The following RBMS3 variants were observed in gnomAD, a reference collection of about 807,000 sequenced individuals.
RBMS3 encodes the protein RNA binding motif single stranded interacting protein 3.
In RBMS3, 27 loss-of-function variants were observed where a neutral mutation model predicts 66.8. That is an observed-to-expected ratio of 0.40 (90% confidence interval 0.30 to 0.56). The LOEUF (loss-of-function observed/expected upper bound fraction) is 0.56, where lower values mean the gene tolerates loss of function less well. Ranked by LOEUF, RBMS3 falls within the 20% of genes least tolerant of loss-of-function variation. The probability of loss-of-function intolerance (pLI) is 0.40; values close to 1 mark genes in which losing one functional copy is unlikely to be tolerated. For missense variants in RBMS3, 513 were observed against 549.5 expected (o/e 0.93, Z 0.66); for synonymous variants, 188 against 183.0 (o/e 1.03, Z -0.22).
At chr3:29,450,437 T>C (rs1178159158) in intron 2 of RBMS3, among the ~76,000 whole-genome samples, 1 of 152,180 alleles carries the variant, frequency 6.6e-6, no homozygotes, top group Non-Finnish European at 1.5e-5. Flanking sequence ...TTAAGATCCC[T>C]CCTTTATGCT....
intron 6 of RBMS3, among the ~76,000 whole-genome samples, chr3:29,817,309 T>G (rs2057940589): frequency 6.6e-6 from 1 of 151,408 alleles, no homozygotes; most frequent in Admixed American, 6.6e-5. Context: ...GTTCAAGCGA[T>G]TCTCCTGTCT....
At chr3:29,308,645 A>C (rs1451429359) in intron 1 of RBMS3, among the ~76,000 whole-genome samples, 2 of 151,568 alleles carry the variant, frequency 1.3e-5, no homozygotes, top group Non-Finnish European at 3.0e-5. Flanking sequence ...TAAATAATTT[A>C]TAGAATTACA....
intron 1 of RBMS3, among the ~76,000 whole-genome samples, chr3:29,380,520 T>C (rs1052356269): frequency 6.6e-6 from 1 of 152,226 alleles, no homozygotes; most frequent in African/African-American, 2.4e-5. Context: ...TTGCATGTTT[T>C]AACTAATTTT....
chr3:29,598,443 A>G (rs900757225), intron 4 of RBMS3, among the ~76,000 whole-genome samples: 1 of 152,152 alleles, frequency 6.6e-6, no homozygotes. Context: ...CAAGGATTTT[A>G]TAATTACTGA....
chr3:29,283,352 T>C (rs948787383), intron 1 of RBMS3, among the ~76,000 whole-genome samples: 1 of 152,162 alleles, frequency 6.6e-6, no homozygotes, highest in East Asian at 1.9e-4. Flanking sequence ...AATAACATAA[T>C]TGTTTTTCTG....
intron 1 of RBMS3, among the ~76,000 whole-genome samples, chr3:29,346,251 A>G (rs1013035825): frequency 6.6e-6 from 1 of 152,192 alleles, no homozygotes; most frequent in Non-Finnish European, 1.5e-5. Context: ...GTAGGGCCTC[A>G]ATATTTTGTG....
At chr3:29,696,930 GT>G (rs1212915963) in intron 4 of RBMS3, 20 of 983,060 alleles carry the variant, frequency 2.0e-5, no homozygotes, top group Non-Finnish European at 2.4e-5. Context: ...GTCTCCCCTG[GT>G]CGTTTGGGTT....
intron 4 of RBMS3, among the ~76,000 whole-genome samples, chr3:29,714,062 CAAAAG>C (rs1430156586): frequency 4.7e-5 from 7 of 149,856 alleles, no homozygotes; most frequent in African/African-American, 1.2e-4. Flanking sequence ...CTCAAAAAAA[CAAAAG>C]AAAAGAAAAG....
chr3:29,946,728 T>G (rs997388853), intron 12 of RBMS3, among the ~76,000 whole-genome samples: 3 of 151,554 alleles, frequency 2.0e-5, no homozygotes, highest in African/African-American at 7.3e-5. Flanking sequence ...AGAAGGCACA[T>G]AGTAAGGATT....
chr3:29,750,683 CT>C (rs2055135947), intron 5 of RBMS3, among the ~76,000 whole-genome samples: 1 of 152,036 alleles, frequency 6.6e-6, no homozygotes, highest in South Asian at 2.1e-4. Flanking sequence ...AGTTATTTTT[CT>C]GATCCTCTCC....
Position 29,434,879 on chromosome 3 carries a change from G to A in RBMS3, c.212G>A (p.Gly71Asp). Residue 71 changes from glycine to aspartate, a missense_variant, in exon 2 of 15, where the codon GGC becomes GAC. Physicochemically the swap from Gly to Asp is moderately conservative, Grantham distance 94 (BLOSUM62 -1). Coordinates refer to ENST00000383767, the MANE Select transcript of RBMS3 (RefSeq NM_001003793.3). Reference protein sequence around the residue: ...TNLYIRGLPPGTTDQDLIKLC... With the variant: ...TNLYIRGLPPDTTDQDLIKLC... Reference sequence around the variant, plus strand: ...CTGTACATTCGAGGCCTCCCACCAGGCACCACTGACCAGGACCTAATCAAG... The same window carrying A: ...CTGTACATTCGAGGCCTCCCACCAGACACCACTGACCAGGACCTAATCAAG... The A allele has an allele frequency of 2.5e-6, 4 of 1,614,016 alleles. No homozygotes were observed. Among genetic ancestry groups the A allele is most frequent in the Admixed American group, 3.3e-5 (2 of 60,008 alleles).
At position 29,571,927 on chromosome 3, in the gene RBMS3, AT is replaced by A. The variant is rs200634360; in HGVS notation, c.308-15179del. On this transcript the variant is annotated intron_variant, in intron 3 of 14. Coordinates refer to ENST00000383767, the MANE Select transcript of RBMS3 (RefSeq NM_001003793.3). Reference sequence around the variant, plus strand: ...AATCCACAAACATGGAATATTTTTAATTTTTTTTGTGTCCTCTTCAATTTCT... The same window carrying A: ...AATCCACAAACATGGAATATTTTTAATTTTTTTGTGTCCTCTTCAATTTCT... 5.2e-3 allele frequency among the ~76,000 whole-genome samples: 785 copies of A among 151,854 alleles called. 35 individuals carry two copies. The East Asian group carries it at 0.12, about 23-fold the overall frequency.
chr3:29,381,060 C>A (rs1175426829), intron 1 of RBMS3, among the ~76,000 whole-genome samples: 1 of 152,096 alleles, frequency 6.6e-6, no homozygotes, highest in Non-Finnish European at 1.5e-5. Flanking sequence ...GCAAAAAGTG[C>A]CATTTGTAAT....
Position 29,356,172 on chromosome 3 carries a change from G to A in RBMS3, c.75+74416G>A, listed in dbSNP as rs1213285224. 5.9e-5 allele frequency among the ~76,000 whole-genome samples: 9 copies of A among 152,140 alleles called. No individual in the cohort carries two copies. In the South Asian group the frequency reaches 1.0e-3, roughly 17 times the overall value. ...AGTGCAAGTTGAATTCACAGGTAAGGTTTACTGTAGACGTGGAAGGGTGTT... is the reference window on the plus strand; with the variant it reads ...AGTGCAAGTTGAATTCACAGGTAAGATTTACTGTAGACGTGGAAGGGTGTT... On this transcript the variant is annotated intron_variant, in intron 1 of 14. Coordinates refer to ENST00000383767, the MANE Select transcript of RBMS3 (RefSeq NM_001003793.3).
intron 5 of RBMS3, among the ~76,000 whole-genome samples, chr3:29,755,525 G>A (rs1171623242): frequency 6.6e-6 from 1 of 152,200 alleles, no homozygotes; most frequent in East Asian, 1.9e-4. Flanking sequence ...TAAGGGAACT[G>A]AGGTAAAGGC....
At chr3:29,523,647 T>C (rs1217970688) in intron 3 of RBMS3, among the ~76,000 whole-genome samples, 1 of 152,190 alleles carries the variant, frequency 6.6e-6, no homozygotes, top group Non-Finnish European at 1.5e-5. Flanking sequence ...AGGCAAGCAG[T>C]CTTTAAACAG....
intron 10 of RBMS3, among the ~76,000 whole-genome samples, chr3:29,912,657 C>T (rs527985805): frequency 6.6e-6 from 1 of 152,018 alleles, no homozygotes; most frequent in South Asian, 2.1e-4. Flanking sequence ...CAATAAAAGC[C>T]AAGCACATGT....
intron 10 of RBMS3, among the ~76,000 whole-genome samples, chr3:29,908,039 G>T (rs1022355858): frequency 2.0e-5 from 3 of 151,950 alleles, no homozygotes; most frequent in African/African-American, 7.3e-5. Context: ...CTTGAACTCG[G>T]GAGTTTGAGA....
At chr3:29,713,107 C>CTATTA (rs573987023) in intron 4 of RBMS3, among the ~76,000 whole-genome samples, 45 of 151,784 alleles carry the variant, frequency 3.0e-4, no homozygotes, top group Admixed American at 6.6e-4. Flanking sequence ...TGGCTAGTAT[C>CTATTA]TATTATATTA....
Sources: allele counts gnomAD v4.1 joint callset (sites outside exome capture counted in the v4.1 genomes callset), GRCh38; gene constraint gnomAD v4.1.1; transcripts MANE v1.5; gene names NCBI Gene and HGNC (gene_info 2026-07-23, HGNC 2026-07-21).